RANBP9: variants seen among roughly 807,000 people sequenced by gnomAD.
RANBP9 encodes the protein ran-binding protein 9.
RANBP9 carries 15 observed loss-of-function variants against 84.3 expected under a neutral mutation model. That is an observed-to-expected ratio of 0.18 (90% CI 0.12 to 0.27). RANBP9 has a LOEUF of 0.27. RANBP9 is among the 10% of genes least tolerant of loss of function. The pLI is 1.00. For synonymous variants in RANBP9, 392 were observed against 349.6 expected (o/e 1.12, Z -1.35); for missense variants, 809 against 912.8 (o/e 0.89, Z 1.46).
At chr6:13,634,927 C>T (rs1009930902) in intron 10 of RANBP9, among the ~76,000 whole-genome samples, 1 of 152,176 alleles carries the variant, frequency 6.6e-6, no homozygotes, top group Non-Finnish European at 1.5e-5. Flanking sequence ...TCCCCCTACC[C>T]CCAGCACTGA....
At chr6:13,684,099 A>G (rs1334020009) in intron 2 of RANBP9, among the ~76,000 whole-genome samples, 1 of 152,166 alleles carries the variant, frequency 6.6e-6, no homozygotes, top group African/African-American at 2.4e-5. Flanking sequence ...GGGGATTACA[A>G]AAGAAAAGAT....
At chr6:13,643,721 C>T (rs1311401195) in intron 6 of RANBP9, among the ~76,000 whole-genome samples, 1 of 152,130 alleles carries the variant, frequency 6.6e-6, no homozygotes, top group African/African-American at 2.4e-5. Flanking sequence ...GGCCCCAGAA[C>T]AACCCATTCT....
At chr6:13,634,395 T>G (rs772479740) in intron 11 of RANBP9, 36 bp downstream of exon 11, 7 of 1,600,288 alleles carry the variant, frequency 4.4e-6, no homozygotes, top group Non-Finnish European at 6.0e-6. Context: ...GTAGCCATCA[T>G]TTTTTATTAA....
At position 13,645,298 on chromosome 6, in the gene RANBP9, A is replaced by T. The variant is rs186759468; in HGVS notation, c.928-569T>A. ...AAACACAGTGCCAGGAAGAGTGGAG[A>T]TTCTCTATATTAAAAAAAAAACACA... is the stretch of plus-strand genomic sequence containing the variant. On this transcript the variant is annotated intron_variant, in intron 5 of 13. Transcript: ENST00000011619. Among the ~76,000 whole-genome samples, 24 of 152,134 alleles carry T rather than the reference A, an allele frequency of 1.6e-4. No individual in the cohort carries two copies. The East Asian group carries it at 4.4e-3, about 28-fold the overall frequency.
chr6:13,655,602 T>C (rs564814697), intron 4 of RANBP9, among the ~76,000 whole-genome samples: 1 of 152,314 alleles, frequency 6.6e-6, no homozygotes, highest in African/African-American at 2.4e-5. Flanking sequence ...ATTTAAATAT[T>C]TGTGAAAATA....
intron 1 of RANBP9, among the ~76,000 whole-genome samples, chr6:13,704,175 T>C (rs771995619): frequency 1.2e-4 from 19 of 152,226 alleles, no homozygotes; most frequent in Non-Finnish European, 2.5e-4. Flanking sequence ...CTAAATGAAT[T>C]TACTATTCCC....
intron 2 of RANBP9, among the ~76,000 whole-genome samples, chr6:13,659,758 T>G (rs1584928321): frequency 6.6e-6 from 1 of 152,142 alleles, no homozygotes; most frequent in East Asian, 1.9e-4. Context: ...AGGAAATTAT[T>G]TAACTATGAG....
chr6:13,668,891 G>A (rs1382439766), intron 2 of RANBP9, among the ~76,000 whole-genome samples: 1 of 152,066 alleles, frequency 6.6e-6, no homozygotes, highest in East Asian at 1.9e-4. Flanking sequence ...CCCTGGGCAA[G>A]AGGGCAAGAA....
intron 2 of RANBP9, among the ~76,000 whole-genome samples, chr6:13,661,660 T>C (rs1196787106): frequency 1.3e-5 from 2 of 152,154 alleles, no homozygotes; most frequent in Non-Finnish European, 2.9e-5. Context: ...ATAAGGACAG[T>C]GGTGTACCAA....
chr6:13,700,313 T>G (rs1757934800), intron 1 of RANBP9, among the ~76,000 whole-genome samples: 1 of 152,110 alleles, frequency 6.6e-6, no homozygotes, highest in Non-Finnish European at 1.5e-5. Context: ...TTCCAAAGCC[T>G]CCTCTTTGGC....
chr6:13,638,820 C>T (rs1399592608), intron 9 of RANBP9, among the ~76,000 whole-genome samples: 1 of 151,192 alleles, frequency 6.6e-6, no homozygotes, highest in Non-Finnish European at 1.5e-5. Context: ...CTAGGCAGAG[C>T]TGACTTTTGC....
intron 1 of RANBP9, among the ~76,000 whole-genome samples, chr6:13,706,221 G>T (rs1490349325): frequency 6.6e-6 from 1 of 152,124 alleles, no homozygotes; most frequent in East Asian, 1.9e-4. Flanking sequence ...GCGGGCACCT[G>T]TAGTCCCAGC....
intron 5 of RANBP9, among the ~76,000 whole-genome samples, chr6:13,646,430 A>C (rs1765175357): frequency 6.6e-6 from 1 of 152,156 alleles, no homozygotes; most frequent in Admixed American, 6.5e-5. Flanking sequence ...AAACAGAAAC[A>C]AAACAAAACA....
At chr6:13,659,912 T>G (rs929687292) in intron 2 of RANBP9, among the ~76,000 whole-genome samples, 1 of 152,178 alleles carries the variant, frequency 6.6e-6, no homozygotes, top group African/African-American at 2.4e-5. Flanking sequence ...ATAAGAAAAC[T>G]AAATGACTAG....
intron 2 of RANBP9, among the ~76,000 whole-genome samples, chr6:13,684,542 G>C (rs565667367): frequency 1.3e-5 from 2 of 152,140 alleles, no homozygotes; most frequent in Non-Finnish European, 2.9e-5. Context: ...TCTCTAACCA[G>C]CTGGGTATAT....
chr6:13,666,535 G>T (rs1243419130), intron 2 of RANBP9, among the ~76,000 whole-genome samples: 2 of 146,516 alleles, frequency 1.4e-5, no homozygotes, highest in African/African-American at 2.5e-5. Flanking sequence ...AACAAAACTG[G>T]GAGGCCATGG....
At chr6:13,625,869 A>C in intron 12 of RANBP9, 105 bp from the exon 13 acceptor site, 1 of 772,918 alleles carries the variant, frequency 1.3e-6, no homozygotes, top group Non-Finnish European at 2.2e-6. Flanking sequence ...GCACAGACTA[A>C]TAATGTAAAC....
chr6:13,668,757 G>T (rs901272366), intron 2 of RANBP9, among the ~76,000 whole-genome samples: 4 of 152,022 alleles, frequency 2.6e-5, no homozygotes, highest in Admixed American at 6.6e-5. Flanking sequence ...GAACATCTAT[G>T]AAAAATCCCC....
intron 2 of RANBP9, among the ~76,000 whole-genome samples, chr6:13,662,476 T>C (rs1001436123): frequency 6.6e-6 from 1 of 152,128 alleles, no homozygotes; most frequent in Non-Finnish European, 1.5e-5. Flanking sequence ...TCCCCCAAAA[T>C]TCTTATGTTG....
Sources: gnomAD v4.1 joint callset for allele counts (sites outside exome capture counted in the v4.1 genomes callset) on GRCh38, gnomAD v4.1.1 for gene constraint, MANE v1.5 for transcripts, NCBI Gene and HGNC (gene_info 2026-07-23, HGNC 2026-07-21) for gene names.